Variants in MYO3B observed in about 807,000 individuals in gnomAD.
The protein encoded by MYO3B is myosin IIIB, also known as myosin-IIIb.
MYO3B carries 156 observed loss-of-function variants against 174.6 expected under a neutral mutation model. The observed-to-expected ratio is 0.89, with a 90% CI of 0.78 to 1.02. MYO3B has a LOEUF of 1.02. Ranked by LOEUF, MYO3B falls within the 50% of genes least tolerant of loss-of-function variation. The pLI, the probability that MYO3B is intolerant of heterozygous loss-of-function variation, is 0.00. For missense variants in MYO3B, 1,632 were observed against 1,639.4 expected, an observed-to-expected ratio of 1.00 and a Z score of 0.08; for synonymous variants, 563 against 569.1, an observed-to-expected ratio of 0.99 and a Z score of 0.15.
At chr2:170,358,420 G>A (rs554571083) in intron 8 of MYO3B, among the ~76,000 whole-genome samples, 6 of 152,268 alleles carry the variant, frequency 3.9e-5, no homozygotes, top group African/African-American at 1.4e-4. Context: ...GCCTGGGACT[G>A]AGGAGGTTGA....
intron 7 of MYO3B, among the ~76,000 whole-genome samples, chr2:170,246,963 T>A (rs1456208906): frequency 6.6e-6 from 1 of 152,130 alleles, no homozygotes; most frequent in African/African-American, 2.4e-5. Context: ...GGCATTTCTG[T>A]AGAAGTCAAG....
At chr2:170,215,735 GT>G (rs1241938041) in intron 5 of MYO3B, among the ~76,000 whole-genome samples, 3 of 152,144 alleles carry the variant, frequency 2.0e-5, no homozygotes, top group Non-Finnish European at 4.4e-5. Context: ...GGAGCATTTT[GT>G]TTAAGTCTTA....
chr2:170,481,255 C>T (rs1367838891), intron 25 of MYO3B, among the ~76,000 whole-genome samples: 1 of 152,192 alleles, frequency 6.6e-6, no homozygotes, highest in Non-Finnish European at 1.5e-5. Context: ...ATGTGTCATC[C>T]AGGTAAGCTA....
rs1242841906 is a variant in MYO3B, at chr2:170,537,442, T to G, written c.3576-5464T>G. ...AAATTGACCTTCTCTTATTAAGAGC[T>G]CTTTGATTTTTTTTTTTTTTTTTTT... On this transcript the variant is annotated intron_variant, in intron 30 of 34. Coordinates refer to ENST00000408978, the MANE Select transcript of MYO3B (RefSeq NM_138995.5). 4.3e-5 allele frequency among the ~76,000 whole-genome samples: 6 copies of G among 138,762 alleles called. No individual in the cohort carries two copies. The Admixed American group carries it at 4.5e-4, about 10-fold the overall frequency. 91.0% of individuals were successfully genotyped at this position (138,762 alleles called of 152,430 possible).
intron 22 of MYO3B, among the ~76,000 whole-genome samples, chr2:170,408,760 G>GAAAAAAA (rs10668466): frequency 2.3e-4 from 33 of 144,580 alleles, no homozygotes; most frequent in Non-Finnish European, 3.9e-4. Context: ...GCCTGGCTAA[G>GAAAAAAA]AAAAAAAAAA....
chr2:170,247,693 A>G (rs1426074917), intron 7 of MYO3B, among the ~76,000 whole-genome samples: 1 of 152,202 alleles, frequency 6.6e-6, no homozygotes, highest in African/African-American at 2.4e-5. Flanking sequence ...TTTCTGGTTC[A>G]TAGATGGTAG....
chr2:170,420,801 A>G (rs1483633690), intron 22 of MYO3B, among the ~76,000 whole-genome samples: 1 of 152,102 alleles, frequency 6.6e-6, no homozygotes, highest in Non-Finnish European at 1.5e-5. Context: ...TACTGGTCAC[A>G]TTACTTCACA....
chr2:170,366,675 A>T (rs6717425), intron 8 of MYO3B, among the ~76,000 whole-genome samples: 74,650 of 152,000 alleles, frequency 0.49, 21,994 homozygotes, highest in Admixed American at 0.64. Context: ...TAACAGATTT[A>T]CTCGTTAGTT....
intron 3 of MYO3B, among the ~76,000 whole-genome samples, chr2:170,204,811 C>T (rs978087384): frequency 1.3e-5 from 2 of 152,066 alleles, no homozygotes; most frequent in African/African-American, 2.4e-5. Context: ...GGCTTGGTTG[C>T]CTTCTTACAA....
chr2:170,550,173 T>C (rs1990604), intron 32 of MYO3B, among the ~76,000 whole-genome samples: 16,445 of 152,210 alleles, frequency 0.11, 2,491 homozygotes, highest in African/African-American at 0.34. Context: ...CTGGATGCCA[T>C]TGAATTCACC....
At chr2:170,473,165 T>C (rs1685091020) in intron 25 of MYO3B, among the ~76,000 whole-genome samples, 1 of 130,740 alleles carries the variant, frequency 7.6e-6, no homozygotes, top group Non-Finnish European at 1.6e-5. Context: ...TTTTTTGAGA[T>C]GGAGTCTCAC....
chr2:170,611,479 T>G (rs550214654), intron 32 of MYO3B, among the ~76,000 whole-genome samples: 1 of 152,038 alleles, frequency 6.6e-6, no homozygotes, highest in East Asian at 1.9e-4. Flanking sequence ...TGAAAAAAAA[T>G]TTGCACAAAA....
At chr2:170,452,938 C>A (rs1315765020) in intron 23 of MYO3B, among the ~76,000 whole-genome samples, 1 of 152,220 alleles carries the variant, frequency 6.6e-6, no homozygotes, top group Non-Finnish European at 1.5e-5. Context: ...AGCTATGGAA[C>A]TACAACATTA....
intron 16 of MYO3B, among the ~76,000 whole-genome samples, chr2:170,393,729 A>C (rs1558956312): frequency 6.6e-6 from 1 of 152,190 alleles, no homozygotes; most frequent in African/African-American, 2.4e-5. Flanking sequence ...GATTTTAATC[A>C]TAATAGTACC....
intron 32 of MYO3B, among the ~76,000 whole-genome samples, chr2:170,566,579 A>G (rs906235616): frequency 2.0e-5 from 3 of 152,160 alleles, no homozygotes; most frequent in Non-Finnish European, 4.4e-5. Flanking sequence ...AGAAAATTCT[A>G]ATTTCTTCAA....
At chr2:170,475,767 T>C (rs1685279323) in intron 25 of MYO3B, among the ~76,000 whole-genome samples, 1 of 152,214 alleles carries the variant, frequency 6.6e-6, no homozygotes, top group Non-Finnish European at 1.5e-5. Flanking sequence ...TCGTTGTCTA[T>C]GGGACGAGGT....
chr2:170,271,496 G>A (rs1366153023), intron 7 of MYO3B, among the ~76,000 whole-genome samples: 1 of 152,160 alleles, frequency 6.6e-6, no homozygotes, highest in Non-Finnish European at 1.5e-5. Flanking sequence ...ATGAAGGGAG[G>A]TGGCCTACCA....
intron 23 of MYO3B, among the ~76,000 whole-genome samples, chr2:170,458,083 G>A (rs982473712): frequency 1.3e-5 from 2 of 152,128 alleles, no homozygotes; most frequent in African/African-American, 2.4e-5. Flanking sequence ...TTGTAAATAC[G>A]TAAACCAGTA....
At chr2:170,250,561 A>G (rs1176929088) in intron 7 of MYO3B, among the ~76,000 whole-genome samples, 2 of 152,334 alleles carry the variant, frequency 1.3e-5, no homozygotes, top group African/African-American at 4.8e-5. Flanking sequence ...CGTGTGTTAC[A>G]GTGCGTTCCT....
Sources: allele counts gnomAD v4.1 joint callset (sites outside exome capture counted in the v4.1 genomes callset), GRCh38; gene constraint gnomAD v4.1.1; transcripts MANE v1.5; gene names NCBI Gene and HGNC (gene_info 2026-07-23, HGNC 2026-07-21).